The following CSMD1 variants were observed in gnomAD, a reference collection of about 807,000 sequenced individuals.
The protein encoded by CSMD1 is CUB and sushi domain-containing protein 1.
A neutral mutation model predicts 417.5 loss-of-function variants in CSMD1; 213 were observed. That is an observed-to-expected ratio of 0.51 (90% CI 0.46 to 0.57). The LOEUF is 0.57. CSMD1 is among the 20% of genes least tolerant of loss of function. CSMD1 has a pLI of 0.00. For missense variants in CSMD1, 6,923 were observed against 4,529.7 expected (o/e 1.53, Z -15.17); for synonymous variants, 2,862 against 1,736.8 (o/e 1.65, Z -16.11).
chr8:4,286,853 G>A (rs1345793361), intron 3 of CSMD1, among the ~76,000 whole-genome samples: 2 of 152,188 alleles, frequency 1.3e-5, no homozygotes, highest in Non-Finnish European at 2.9e-5. Flanking sequence ...ATTAGGAGAT[G>A]TGCACTAATT....
intron 2 of CSMD1, among the ~76,000 whole-genome samples, chr8:4,585,721 A>G (rs765075247): frequency 1.1e-4 from 16 of 152,216 alleles, no homozygotes; most frequent in Non-Finnish European, 7.3e-5. Flanking sequence ...TTAAAGTGCT[A>G]TAATAAAATG....
At chr8:4,922,458 A>T (rs1806561996) in intron 1 of CSMD1, among the ~76,000 whole-genome samples, 1 of 152,244 alleles carries the variant, frequency 6.6e-6, no homozygotes, top group South Asian at 2.1e-4. Context: ...AACTTCTAAT[A>T]ACTTGATATT....
intron 2 of CSMD1, among the ~76,000 whole-genome samples, chr8:4,519,927 G>GTT (rs1308146375): frequency 1.0e-4 from 7 of 69,102 alleles, no homozygotes; most frequent in Non-Finnish European, 3.3e-4. Flanking sequence ...TGTAGTGTGT[G>GTT]TGTGTGTGCG....
intron 10 of CSMD1, among the ~76,000 whole-genome samples, chr8:3,546,746 G>C (rs972563054): frequency 2.0e-5 from 3 of 152,204 alleles, no homozygotes; most frequent in Non-Finnish European, 2.9e-5. Flanking sequence ...GCAGAAATCA[G>C]CCTGCACAGT....
intron 1 of CSMD1, among the ~76,000 whole-genome samples, chr8:4,817,901 C>A (rs1450835830): frequency 6.6e-6 from 1 of 152,142 alleles, no homozygotes; most frequent in Admixed American, 6.6e-5. Context: ...TTAGAACAAT[C>A]AGCAACAAAT....
intron 3 of CSMD1, among the ~76,000 whole-genome samples, chr8:4,387,182 G>C (rs1179118427): frequency 1.3e-5 from 2 of 152,146 alleles, no homozygotes; most frequent in South Asian, 4.1e-4. Context: ...GCCATCTTGT[G>C]GCTAGGAGGT....
In CSMD1 at chr8:4,911,441, T is replaced by C. The variant is rs1429744907; in HGVS notation, c.85+82891A>G. ...CTCTGACACAGCATATTTTTCCAGG[T>C]CCCATGAATACACTTTTCCATAGGA... On this transcript the variant is annotated intron_variant, in intron 1 of 69. Coordinates refer to ENST00000635120, the MANE Select transcript of CSMD1 (RefSeq NM_033225.6). Among the ~76,000 whole-genome samples, 5 of 152,204 alleles carry C rather than the reference T, an allele frequency of 3.3e-5. No homozygotes were observed. The East Asian group carries it at 7.7e-4, about 24-fold the overall frequency.
intron 10 of CSMD1, among the ~76,000 whole-genome samples, chr8:3,571,262 G>A (rs1179341625): frequency 6.6e-6 from 1 of 152,168 alleles, no homozygotes; most frequent in Admixed American, 6.5e-5. Flanking sequence ...ACACACCTGT[G>A]AATTCTAAAT....
At chr8:3,111,663 C>T (rs759490679) in intron 42 of CSMD1, among the ~76,000 whole-genome samples, 13 of 152,054 alleles carry the variant, frequency 8.5e-5, no homozygotes, top group Non-Finnish European at 1.8e-4. Context: ...GAAACCCTAA[C>T]TCTACTAAAA....
intron 7 of CSMD1, among the ~76,000 whole-genome samples, chr8:3,696,354 G>A (rs976135876): frequency 6.6e-6 from 1 of 152,092 alleles, no homozygotes. Context: ...TGTTCACCTT[G>A]GCTTATCTCT....
intron 4 of CSMD1, among the ~76,000 whole-genome samples, chr8:4,014,921 G>A (rs1484799777): frequency 6.6e-6 from 1 of 152,166 alleles, no homozygotes; most frequent in Non-Finnish European, 1.5e-5. Flanking sequence ...TATTTTTTAA[G>A]CCTGTTACAA....
intron 5 of CSMD1, among the ~76,000 whole-genome samples, chr8:3,851,932 G>A (rs376688015): frequency 1.3e-5 from 2 of 152,142 alleles, no homozygotes; most frequent in Non-Finnish European, 2.9e-5. Flanking sequence ...CCTGAGCATT[G>A]AAGAATATGT....
chr8:4,006,443 C>A (rs1159732108), intron 4 of CSMD1, among the ~76,000 whole-genome samples: 8 of 152,116 alleles, frequency 5.3e-5, no homozygotes, highest in African/African-American at 1.9e-4. Context: ...TCTTGGGAGG[C>A]TGAGGCCGAA....
At chr8:3,145,404 C>A (rs1041274402) in intron 40 of CSMD1, among the ~76,000 whole-genome samples, 2 of 151,996 alleles carry the variant, frequency 1.3e-5, no homozygotes, top group East Asian at 1.9e-4. Context: ...GGCACAGTCA[C>A]GAAACATAAC....
intron 1 of CSMD1, among the ~76,000 whole-genome samples, chr8:4,761,838 T>TCTATCTAC (rs1266030879): frequency 6.6e-5 from 3 of 45,344 alleles, no homozygotes; most frequent in East Asian, 6.2e-4. Context: ...GTACCATGCA[T>TCTATCTAC]CTATCTATCT....
At chr8:4,148,480 G>A (rs948342385) in intron 3 of CSMD1, among the ~76,000 whole-genome samples, 20 of 151,780 alleles carry the variant, frequency 1.3e-4, no homozygotes, top group African/African-American at 4.8e-4. Flanking sequence ...TAACGAACCT[G>A]CACATTGTGC....
chr8:3,778,906 C>A (rs1799032379), intron 5 of CSMD1, among the ~76,000 whole-genome samples: 2 of 152,090 alleles, frequency 1.3e-5, no homozygotes, highest in South Asian at 2.1e-4. Context: ...ACAGGAGTTC[C>A]CGGATCAACA....
chr8:4,629,382 T>A (rs1014054534), intron 2 of CSMD1, among the ~76,000 whole-genome samples: 2 of 152,208 alleles, frequency 1.3e-5, no homozygotes, highest in Non-Finnish European at 2.9e-5. Context: ...TGCATTGTTT[T>A]AACTTGGTTC....
intron 7 of CSMD1, among the ~76,000 whole-genome samples, chr8:3,636,180 C>A (rs917805752): frequency 1.3e-5 from 2 of 152,134 alleles, no homozygotes; most frequent in African/African-American, 4.8e-5. Context: ...TGACTTCTTC[C>A]ATCTTTGCAT....
Sources: allele counts gnomAD v4.1 joint callset (sites outside exome capture counted in the v4.1 genomes callset), GRCh38; gene constraint gnomAD v4.1.1; transcripts MANE v1.5; gene names NCBI Gene and HGNC (gene_info 2026-07-23, HGNC 2026-07-21).